Variants in PHACTR2 observed in about 807,000 individuals in gnomAD.
PHACTR2 encodes chromosome 6 open reading frame 56.
A neutral mutation model predicts 76.0 loss-of-function variants in PHACTR2; 30 were observed. That is an observed-to-expected ratio of 0.39 (90% CI 0.30 to 0.54). PHACTR2 has a LOEUF of 0.54. Among genes scored for constraint, PHACTR2 ranks in the 20% least tolerant of loss-of-function variants. PHACTR2 has a pLI of 0.61. For missense variants in PHACTR2, 696 were observed against 781.1 expected (o/e 0.89, Z 1.30); for synonymous variants, 292 against 292.5 (o/e 1.00, Z 0.02).
rs529376721 is a variant in PHACTR2 at position 143,546,816 on chromosome 6, A to G, written c.217+9609A>G. ...GGAGGCAGAAGGATTGCTTGAGTCC[A>G]GGAGCTTGAGACAAGCCTGGGCAAC... is the stretch of plus-strand genomic sequence containing the variant. On this transcript the variant is annotated intron_variant, in intron 1 of 11. Transcript: ENST00000367584. This position sits in a 1 kb window ranked among gnomAD's most constrained non-coding sequence, Gnocchi z 4.9. Among the ~76,000 whole-genome samples the G allele has an allele frequency of 6.6e-6, 1 of 151,858 alleles. No homozygotes were observed. Among genetic ancestry groups the G allele is most frequent in the East Asian group, 1.9e-4 (1 of 5,170 alleles).
chr6:143,772,517 T>A lies in PHACTR2; in HGVS notation c.1432+60T>A, dbSNP rs1775181602. 1 of 1,237,218 alleles carries A rather than the reference T, an allele frequency of 8.1e-7. No homozygotes were observed. The highest frequency in any genetic ancestry group is 1.2e-6 in the Non-Finnish European group (1 of 856,874). 76.6% of individuals were successfully genotyped at this position (1,237,218 alleles called of 1,614,324 possible). ...GGTGATAAGCAGAAGCAGCTGCAGT[T>A]TATAAAGAATAAAAGCCTCATTAGG... On this transcript the variant is annotated intron_variant, in intron 7 of 12. Transcript: ENST00000440869. The surrounding 1 kb of genome is among the most constrained non-coding windows in gnomAD (Gnocchi z 5.4).
At chr6:143,804,297 T>C (rs536855372) in intron 11 of PHACTR2, among the ~76,000 whole-genome samples, 1 of 152,340 alleles carries the variant, frequency 6.6e-6, no homozygotes, top group South Asian at 2.1e-4. Flanking sequence ...TCCCTGTATC[T>C]TGGGTTTCTC....
At chr6:143,655,179 AAG>A (rs1480184834) in intron 1 of PHACTR2, among the ~76,000 whole-genome samples, 1 of 151,876 alleles carries the variant, frequency 6.6e-6, no homozygotes, top group Non-Finnish European at 1.5e-5. Flanking sequence ...AAAAAAGAAA[AAG>A]AAAAAAAAGA....
rs1317531158 is a variant in PHACTR2 at position 143,750,252 on chromosome 6, A to T, written c.295+1187A>T. ...TGTCAAACTTTTCTTACTCTACTTT[A>T]TGAATGAATTTTATGTTTTCCCTGT... On this transcript the variant is annotated intron_variant, in intron 3 of 12. Transcript: ENST00000440869. This position sits in a 1 kb window ranked among gnomAD's most constrained non-coding sequence, Gnocchi z 4.6. Among the ~76,000 whole-genome samples the T allele has an allele frequency of 6.6e-6, 1 of 152,178 alleles. No individual in the cohort carries two copies. Among genetic ancestry groups the T allele is most frequent in the Non-Finnish European group, 1.5e-5 (1 of 68,022 alleles).
chr6:143,637,104 G>C (rs570741901), intron 1 of PHACTR2, among the ~76,000 whole-genome samples: 2 of 152,310 alleles, frequency 1.3e-5, no homozygotes, highest in African/African-American at 4.8e-5. Flanking sequence ...GGAGTGTCCA[G>C]GGGTTGCATA....
At position 143,800,090 on chromosome 6, in the gene PHACTR2, A is replaced by G. The variant is rs1775917631; in HGVS notation, c.1846-6967A>G. ...TGTACTGGATGCATATATATTTAGG[A>G]TAGTTAACTCTTTTTGTTGAATTGA... is the stretch of plus-strand genomic sequence containing the variant. On this transcript the variant is annotated intron_variant, in intron 11 of 12. Coordinates refer to ENST00000440869, the MANE Select transcript of PHACTR2 (RefSeq NM_001100164.2). This position sits in a 1 kb window ranked among gnomAD's most constrained non-coding sequence, Gnocchi z 4.8. 1.3e-5 allele frequency among the ~76,000 whole-genome samples: 2 copies of G among 151,998 alleles called. No individual in the cohort carries two copies. Among genetic ancestry groups the G allele is most frequent in the Admixed American group, 6.6e-5 (1 of 15,254 alleles).
intron 2 of PHACTR2, among the ~76,000 whole-genome samples, chr6:143,727,861 T>C (rs1778609249): frequency 6.6e-6 from 1 of 152,228 alleles, no homozygotes; most frequent in Non-Finnish European, 1.5e-5. Flanking sequence ...AAAGCCCTTA[T>C]ATGACAAACC....
chr6:143,694,751 A>G (rs1461788779), intron 1 of PHACTR2, among the ~76,000 whole-genome samples: 1 of 152,242 alleles, frequency 6.6e-6, no homozygotes, highest in African/African-American at 2.4e-5. Flanking sequence ...GCAGAGCCCC[A>G]TTGAGACAGG....
Position 143,809,332 on chromosome 6 carries a change from C to A in PHACTR2, c.1922+2199C>A, listed in dbSNP as rs1409382827. ...TTGGAGTACAGGGAGAAGTAAGGGT[C>A]ATTTTGTTTTTGTGGGGGTATTTTT... On this transcript the variant is annotated intron_variant, in intron 12 of 12. Transcript: ENST00000440869. The surrounding 1 kb of genome is among the most constrained non-coding windows in gnomAD (Gnocchi z 4.2). Among the ~76,000 whole-genome samples the A allele has an allele frequency of 6.6e-6, 1 of 151,984 alleles. No homozygotes were observed.
intron 1 of PHACTR2, among the ~76,000 whole-genome samples, chr6:143,593,471 T>C (rs1775716438): frequency 6.6e-6 from 1 of 152,186 alleles, no homozygotes; most frequent in Non-Finnish European, 1.5e-5. Context: ...AAGAGACTCT[T>C]AGTTCAGCAG....
chr6:143,804,828 A>T (rs1776030421), intron 11 of PHACTR2, among the ~76,000 whole-genome samples: 1 of 152,250 alleles, frequency 6.6e-6, no homozygotes, highest in Admixed American at 6.5e-5. Context: ...CTTCATAAAT[A>T]AAAGTGAAAG....
At chr6:143,638,188 A>G (rs1776498505) in intron 1 of PHACTR2, among the ~76,000 whole-genome samples, 4 of 152,200 alleles carry the variant, frequency 2.6e-5, no homozygotes, top group Admixed American at 2.6e-4. Flanking sequence ...CTTAAGTTAT[A>G]GTATTGCTGA....
chr6:143,545,039 G>T (rs1250506219), intron 1 of PHACTR2, among the ~76,000 whole-genome samples: 1 of 151,750 alleles, frequency 6.6e-6, no homozygotes, highest in Non-Finnish European at 1.5e-5. Context: ...TGCCTCCCAT[G>T]TTCAAGCGAT....
chr6:143,787,389 G>A lies in PHACTR2; in HGVS notation c.1708-1384G>A, dbSNP rs1233797989. Among the ~76,000 whole-genome samples, 2 of 152,242 alleles carry A rather than the reference G, an allele frequency of 1.3e-5. No homozygotes were observed. The highest frequency in any genetic ancestry group is 4.8e-5 in the African/African-American group (2 of 41,472). Reference sequence around the variant, plus strand: ...TAGATTGGACAGCAACTAGACTATAGCAGATCACTTAGATTATTCTTTCTC... The same window carrying A: ...TAGATTGGACAGCAACTAGACTATAACAGATCACTTAGATTATTCTTTCTC... On this transcript the variant is annotated intron_variant, in intron 10 of 12. Transcript: ENST00000440869. This position sits in a 1 kb window ranked among gnomAD's most constrained non-coding sequence, Gnocchi z 4.6.
At chr6:143,814,906 T>C (rs1253705498) in intron 12 of PHACTR2, among the ~76,000 whole-genome samples, 1 of 152,040 alleles carries the variant, frequency 6.6e-6, no homozygotes, top group Non-Finnish European at 1.5e-5. Context: ...CCGGCCCATA[T>C]AAGTATTTTT....
At chr6:143,741,504 A>G (rs905937456) in intron 2 of PHACTR2, among the ~76,000 whole-genome samples, 16 of 152,174 alleles carry the variant, frequency 1.1e-4, no homozygotes, top group Non-Finnish European at 1.5e-5. Flanking sequence ...AAACAAAAAT[A>G]ACAATAATAA....
rs949829546 is a variant in PHACTR2, at chr6:143,537,394, G to A, written c.217+187G>A. 3.3e-5 allele frequency among the ~76,000 whole-genome samples: 5 copies of A among 152,086 alleles called. No individual in the cohort carries two copies. Among genetic ancestry groups the A allele is most frequent in the Non-Finnish European group, 5.9e-5 (4 of 67,996 alleles). On this transcript the variant is annotated intron_variant, in intron 1 of 11. Transcript: ENST00000367584. This position sits in a 1 kb window ranked among gnomAD's most constrained non-coding sequence, Gnocchi z 4.4. ...GCCGCCTCCTCGGCCGCCCGGGCTC[G>A]GCGACCCTAGGCGGAAGATGCTAAA...
intron 1 of PHACTR2, among the ~76,000 whole-genome samples, chr6:143,637,134 C>T (rs759010255): frequency 6.6e-6 from 1 of 152,060 alleles, no homozygotes; most frequent in African/African-American, 2.4e-5. Context: ...CGTGACTAAC[C>T]GGGGGTGGTG....
At chr6:143,790,911 T>C (rs1775669639) in intron 11 of PHACTR2, among the ~76,000 whole-genome samples, 1 of 152,138 alleles carries the variant, frequency 6.6e-6, no homozygotes, top group African/African-American at 2.4e-5. Flanking sequence ...TCTCCTGACA[T>C]TGTGATCTGC....
Sources: allele counts gnomAD v4.1 joint callset (sites outside exome capture counted in the v4.1 genomes callset), GRCh38; gene constraint gnomAD v4.1.1; non-coding constraint Gnocchi (gnomAD v3.1); transcripts MANE v1.5; gene names NCBI Gene and HGNC (gene_info 2026-07-23, HGNC 2026-07-21).